Variants in SLC8A2 observed in about 807,000 individuals in gnomAD.
The protein encoded by SLC8A2 is solute carrier family 8 member A2, also known as sodium/calcium exchanger 2.
Under a neutral mutation model 70.2 loss-of-function variants are expected in SLC8A2, and 14 were observed. That is an observed-to-expected ratio of 0.20 (90% confidence interval 0.13 to 0.31). The LOEUF is 0.31. Ranked by LOEUF, SLC8A2 falls within the 10% of genes least tolerant of loss-of-function variation. The pLI is 1.00. For synonymous variants in SLC8A2, 575 were observed against 594.3 expected, an observed-to-expected ratio of 0.97 and a Z score of 0.47; for missense variants, 779 against 1,320.1, an observed-to-expected ratio of 0.59 and a Z score of 6.35.
At chr19:47,444,445 G>A (rs77139854) in intron 4 of SLC8A2, among the ~76,000 whole-genome samples, 13,972 of 152,158 alleles carry the variant, frequency 0.092, 905 homozygotes, top group Middle Eastern at 0.18. Flanking sequence ...ATTTTCTGTG[G>A]GTGGAAAGAA....
intron 2 of SLC8A2, among the ~76,000 whole-genome samples, chr19:47,463,287 C>A (rs1304178278): frequency 6.8e-6 from 1 of 147,044 alleles, no homozygotes; most frequent in Non-Finnish European, 1.5e-5. Flanking sequence ...CGCCCGCCAC[C>A]ACGCCCGGCT....
chr19:47,449,531 C>G lies in SLC8A2; in HGVS notation c.1341-1300G>C, dbSNP rs562378904. On this transcript the variant is annotated intron_variant, in intron 3 of 9. Coordinates refer to ENST00000236877, the MANE Select transcript of SLC8A2 (RefSeq NM_015063.3). ...TAGAGACAGGGTTTCATCATGTTGG[C>G]CAGGCCGGTCTCGAACTCCTGACCT... Among the ~76,000 whole-genome samples the G allele has an allele frequency of 5.0e-4, 76 of 152,246 alleles. 1 individual carries two copies. Among genetic ancestry groups the G allele is most frequent in the Admixed American group, 4.3e-3 (66 of 15,290 alleles).
At position 47,447,701 on chromosome 19, in the gene SLC8A2, C is replaced by G; in HGVS notation, c.1763+108G>C. 5 of 1,228,182 alleles carry G rather than the reference C, an allele frequency of 4.1e-6. No homozygotes were observed. The highest frequency in any genetic ancestry group is 5.4e-6 in the Non-Finnish European group (5 of 927,394). 76.1% of individuals were successfully genotyped at this position (1,228,182 alleles called of 1,614,324 possible). A position where few individuals can be genotyped will look rare whatever the true frequency, so the allele number is the denominator to read the frequency against. The stretch of plus-strand genomic sequence containing the variant: ...CTCCCCTCCCGAGGCCCAACCAAGA[C>G]CCGCCCACTATGTGGGCATGGCTCA... On this transcript the variant is annotated intron_variant, in intron 4 of 9. Coordinates refer to ENST00000236877, the MANE Select transcript of SLC8A2 (RefSeq NM_015063.3). The surrounding 1 kb of genome is among the most constrained non-coding windows in gnomAD (Gnocchi z 5.1).
chr19:47,452,431 A>T (rs1263295716), intron 3 of SLC8A2, among the ~76,000 whole-genome samples: 7 of 105,574 alleles, frequency 6.6e-5, no homozygotes, highest in African/African-American at 2.5e-4. Flanking sequence ...AGAGAGAGAG[A>T]GAGAGAGAGA....
intron 5 of SLC8A2, 62 bp downstream of exon 5, chr19:47,441,275 C>T: frequency 6.3e-7 from 1 of 1,579,632 alleles, no homozygotes; most frequent in South Asian, 1.1e-5. Context: ...GCAATTGAGC[C>T]CCTGAAAGTC....
intron 3 of SLC8A2, among the ~76,000 whole-genome samples, chr19:47,449,917 G>C (rs1366456624): frequency 1.3e-5 from 2 of 152,118 alleles, no homozygotes; most frequent in African/African-American, 2.4e-5. Flanking sequence ...GGAGGGACAC[G>C]AGCTGGCTTG....
chr19:47,434,085 T>C lies in SLC8A2; in HGVS notation c.2111-1640A>G, dbSNP rs559001903. 5.9e-5 allele frequency among the ~76,000 whole-genome samples: 9 copies of C among 152,336 alleles called. No homozygotes were observed. In the South Asian group the frequency reaches 1.7e-3, roughly 28 times the overall value. ...CGCATTACATCTGGAAGGATGCTCA[T>C]GAGAACGAACGTAGCTCCTGACCAG... is the stretch of plus-strand genomic sequence containing the variant. On this transcript the variant is annotated intron_variant, in intron 8 of 9. Coordinates refer to ENST00000236877, the MANE Select transcript of SLC8A2 (RefSeq NM_015063.3).
intron 3 of SLC8A2, among the ~76,000 whole-genome samples, chr19:47,449,356 G>A (rs1225261900): frequency 6.6e-6 from 1 of 152,006 alleles, no homozygotes; most frequent in Non-Finnish European, 1.5e-5. Flanking sequence ...ACAGAGTCTC[G>A]CTGTCATCCA....
intron 1 of SLC8A2, among the ~76,000 whole-genome samples, chr19:47,470,887 G>A (rs988905402): frequency 2.0e-5 from 3 of 152,072 alleles, no homozygotes; most frequent in Non-Finnish European, 1.5e-5. Context: ...GGGAGGAGTG[G>A]AGAGAGCAGG....
Position 47,432,216 on chromosome 19 carries a change from C to T in SLC8A2, c.2340G>A (p.Lys780=), listed in dbSNP as rs1966972140. 4 of 1,613,986 alleles carry T rather than the reference C, an allele frequency of 2.5e-6. No individual in the cohort carries two copies. The East Asian group carries it at 8.9e-5, about 36-fold the overall frequency. ...CGAAGACAACAGCATTGACAGAGTC[C>T]TTGAGGCCAACGGTGCAGCCGAAGT... ...ASHFGCTVGL[K]DSVNAVVFVA... The change falls in exon 9 of 10, where the codon AAG becomes AAA. Residue 780 remains lysine (K), a synonymous_variant. Transcript: ENST00000236877. This position sits in a 1 kb window ranked among gnomAD's most constrained non-coding sequence, Gnocchi z 6.2.
intron 8 of SLC8A2, among the ~76,000 whole-genome samples, chr19:47,434,901 C>T (rs1317097409): frequency 6.6e-6 from 1 of 152,058 alleles, no homozygotes; most frequent in Non-Finnish European, 1.5e-5. Flanking sequence ...TCCAACCATG[C>T]CTGGCACTCA....
At chr19:47,467,499 C>T (rs1233086388) in intron 1 of SLC8A2, among the ~76,000 whole-genome samples, 1 of 152,138 alleles carries the variant, frequency 6.6e-6, no homozygotes, top group Admixed American at 6.5e-5. Flanking sequence ...TCAGTCTCTC[C>T]AGCTTCCCTG....
At chr19:47,431,624 C>T (rs1473577777) in intron 9 of SLC8A2, among the ~76,000 whole-genome samples, 5 of 145,860 alleles carry the variant, frequency 3.4e-5, no homozygotes, top group Non-Finnish European at 7.5e-5. Flanking sequence ...TGCACTCCAG[C>T]CTGGGTGACA....
chr19:47,470,037 G>A (rs943676308), intron 1 of SLC8A2, among the ~76,000 whole-genome samples: 28 of 152,308 alleles, frequency 1.8e-4, no homozygotes, highest in African/African-American at 6.5e-4. Flanking sequence ...GCAAGGGAGG[G>A]TGCTTTTCTG....
intron 3 of SLC8A2, among the ~76,000 whole-genome samples, chr19:47,454,296 G>A (rs776865978): frequency 6.6e-5 from 10 of 152,152 alleles, no homozygotes; most frequent in Non-Finnish European, 1.5e-4. Flanking sequence ...GGGTAGGAGT[G>A]GAAAGGTGAA....
Position 47,471,870 on chromosome 19 carries a change from TGAGA to T in SLC8A2, c.-102_-99del, listed in dbSNP as rs1967545896. 7.1e-6 allele frequency: 1 copy of T among 141,148 alleles called. No individual in the cohort carries two copies. The highest frequency in any genetic ancestry group is 2.1e-4 in the East Asian group (1 of 4,708). 8.7% of individuals were successfully genotyped at this position (141,148 alleles called of 1,614,324 possible). Reference sequence around the variant, plus strand: ...CTCCGCCCGAAAGAGAGAGAGAGATTGAGAGAGAGAAAAGCCTGAGACTGAGAGG... The same window carrying T: ...CTCCGCCCGAAAGAGAGAGAGAGATTGAGAGAAAAGCCTGAGACTGAGAGG... On this transcript the variant is annotated 5_prime_UTR_variant, in exon 1 of 10. Transcript: ENST00000236877.
intron 4 of SLC8A2, among the ~76,000 whole-genome samples, chr19:47,443,516 C>T (rs748319387): frequency 1.3e-5 from 2 of 152,200 alleles, no homozygotes; most frequent in African/African-American, 2.4e-5. Context: ...CCGATCACAC[C>T]GCCCACACCC....
In SLC8A2 at chr19:47,437,869, C is replaced by T; in HGVS notation, c.1990G>A (p.Glu664Lys). ...ATCACCTTAAAATCATATGACTCCT[C>T]GATGATGACCTCCAGCCGGCAGTTC... The part of the protein sequence containing the change: ...GENCRLEVII[E>K]ESYDFKNTVD... Residue 664 changes from glutamate to lysine, a missense_variant, in exon 7 of 10, where the codon GAG becomes AAG. Physicochemically the swap from Glu to Lys is moderately conservative, Grantham distance 56. Transcript: ENST00000236877. 1.2e-6 allele frequency: 2 copies of T among 1,614,066 alleles called. No individual in the cohort carries two copies. The highest frequency in any genetic ancestry group is 1.7e-6 in the Non-Finnish European group (2 of 1,179,984).
chr19:47,458,478 C>T (rs1247094734), intron 2 of SLC8A2, among the ~76,000 whole-genome samples: 1 of 130,428 alleles, frequency 7.7e-6, no homozygotes, highest in African/African-American at 2.9e-5. Flanking sequence ...CTTGTTCTGT[C>T]TCTGTTCATC....
Sources: allele counts gnomAD v4.1 joint callset (sites outside exome capture counted in the v4.1 genomes callset), GRCh38; gene constraint gnomAD v4.1.1; non-coding constraint Gnocchi (gnomAD v3.1); transcripts MANE v1.5; gene names NCBI Gene and HGNC (gene_info 2026-07-23, HGNC 2026-07-21).